Variants in PDE3A observed in about 807,000 individuals in gnomAD.
PDE3A encodes cGMP-inhibited 3',5'-cyclic phosphodiesterase 3A.
PDE3A carries 43 observed loss-of-function variants against 98.3 expected under a neutral mutation model. The ratio of observed to expected loss-of-function variants is 0.44; its 90% CI spans 0.34 to 0.56. PDE3A has a LOEUF of 0.56. Ranked by LOEUF, PDE3A falls within the 20% of genes least tolerant of loss-of-function variation. The pLI is 0.01. For synonymous variants in PDE3A, 663 were observed against 567.9 expected (o/e 1.17, Z -2.38); for missense variants, 1,427 against 1,440.7 (o/e 0.99, Z 0.15).
intron 1 of PDE3A, among the ~76,000 whole-genome samples, chr12:20,378,565 A>G (rs1943611649): frequency 6.6e-6 from 1 of 151,772 alleles, no homozygotes; most frequent in South Asian, 2.1e-4. Flanking sequence ...GAAATTCTAA[A>G]AAGATCAAAA....
In PDE3A at chr12:20,631,598, C is replaced by T. The variant is rs148315192; in HGVS notation, c.1760+1471C>T. ...GGTTCAGCATTTTTAGGGAGAGTCT[C>T]CCACTGTGGGTTCCGGACTTTTGGG... On this transcript the variant is annotated intron_variant, in intron 6 of 15. Coordinates refer to ENST00000359062, the MANE Select transcript of PDE3A (RefSeq NM_000921.5). 5.0e-3 allele frequency among the ~76,000 whole-genome samples: 756 copies of T among 152,120 alleles called. 2 individuals carry two copies. The highest frequency in any genetic ancestry group is 0.018 in the African/African-American group (729 of 41,492).
At chr12:20,608,854 A>G (rs940377880) in intron 2 of PDE3A, among the ~76,000 whole-genome samples, 2 of 152,044 alleles carry the variant, frequency 1.3e-5, no homozygotes, top group African/African-American at 4.8e-5. Flanking sequence ...TTACTAGAGA[A>G]TAAACTTAAT....
intron 15 of PDE3A, among the ~76,000 whole-genome samples, chr12:20,673,731 G>A (rs1158682289): frequency 1.4e-5 from 2 of 144,822 alleles, no homozygotes; most frequent in East Asian, 4.2e-4. Context: ...ATAGCATTGG[G>A]AGATATACCT....
chr12:20,481,908 G>T (rs1486691919), intron 1 of PDE3A, among the ~76,000 whole-genome samples: 1 of 151,348 alleles, frequency 6.6e-6, no homozygotes, highest in Non-Finnish European at 1.5e-5. Flanking sequence ...GGGACTACAG[G>T]CGCCCGCCAC....
intron 15 of PDE3A, among the ~76,000 whole-genome samples, chr12:20,668,001 C>T (rs368618912): frequency 3.9e-4 from 60 of 152,178 alleles, no homozygotes; most frequent in Middle Eastern, 3.4e-3. Flanking sequence ...GCACCGTGCG[C>T]GAGCCAAAGC....
intron 15 of PDE3A, among the ~76,000 whole-genome samples, chr12:20,668,140 C>T (rs532211279): frequency 3.9e-5 from 6 of 152,182 alleles, no homozygotes; most frequent in Middle Eastern, 3.4e-3. Context: ...GCTTTTCCGA[C>T]GGGCTTAAAA....
At chr12:20,401,916 A>G (rs1000239345) in intron 1 of PDE3A, among the ~76,000 whole-genome samples, 1 of 152,222 alleles carries the variant, frequency 6.6e-6, no homozygotes, top group African/African-American at 2.4e-5. Context: ...GAATGCAGGT[A>G]GTGCTTGGAA....
intron 2 of PDE3A, among the ~76,000 whole-genome samples, chr12:20,599,376 C>A (rs140563481): frequency 6.6e-6 from 1 of 152,080 alleles, no homozygotes; most frequent in Non-Finnish European, 1.5e-5. Context: ...AGTACTCAAC[C>A]GGGCCTTTGT....
chr12:20,560,920 A>G (rs969709570), intron 2 of PDE3A, among the ~76,000 whole-genome samples: 2 of 151,970 alleles, frequency 1.3e-5, no homozygotes, highest in African/African-American at 2.4e-5. Context: ...CTGTTTGCAA[A>G]TGAAATACTG....
chr12:20,412,134 A>C (rs968131935), intron 1 of PDE3A, among the ~76,000 whole-genome samples: 3 of 152,114 alleles, frequency 2.0e-5, no homozygotes, highest in African/African-American at 7.2e-5. Flanking sequence ...ACTGTTGTTG[A>C]CTGTGTTGTA....
intron 15 of PDE3A, among the ~76,000 whole-genome samples, chr12:20,669,046 A>G (rs1343356688): frequency 5.9e-5 from 9 of 151,646 alleles, no homozygotes; most frequent in East Asian, 5.8e-4. Flanking sequence ...GAACTACGTG[A>G]AGAATGCAGA....
intron 1 of PDE3A, among the ~76,000 whole-genome samples, chr12:20,538,450 G>A (rs1033611590): frequency 5.3e-5 from 8 of 152,234 alleles, no homozygotes; most frequent in East Asian, 3.9e-4. Flanking sequence ...ACTTCTGCCC[G>A]TATCTCATTA....
intron 2 of PDE3A, among the ~76,000 whole-genome samples, chr12:20,585,984 A>G (rs1943187390): frequency 1.3e-5 from 2 of 152,200 alleles, no homozygotes; most frequent in African/African-American, 2.4e-5. Context: ...ATGCACAATC[A>G]AATGTAGAAT....
chr12:20,377,799 C>A (rs2120526623), intron 1 of PDE3A, among the ~76,000 whole-genome samples: 1 of 151,560 alleles, frequency 6.6e-6, no homozygotes, highest in Admixed American at 6.6e-5. Flanking sequence ...TTATATTAAC[C>A]TGATTTATAA....
intron 1 of PDE3A, among the ~76,000 whole-genome samples, chr12:20,392,528 TAAATACATAAATAAATAAATAAATAAATA>T (rs1943936956): frequency 2.0e-5 from 1 of 50,606 alleles, no homozygotes; most frequent in Non-Finnish European, 4.8e-5. Context: ...AATAAATAAA[TAAATACATAAATAAATAAATAAATAAATA>T]AAATCTAGCT....
chr12:20,593,172 T>C (rs1484048319), intron 2 of PDE3A, among the ~76,000 whole-genome samples: 1 of 152,080 alleles, frequency 6.6e-6, no homozygotes, highest in East Asian at 1.9e-4. Context: ...ATCTTGATAA[T>C]CAATACTAAA....
chr12:20,631,305 T>G (rs1291570973), intron 6 of PDE3A, among the ~76,000 whole-genome samples: 1 of 152,208 alleles, frequency 6.6e-6, no homozygotes, highest in Non-Finnish European at 1.5e-5. Context: ...AGATATATCA[T>G]ACATCCCTGT....
chr12:20,679,367 C>T (rs921935043), intron 15 of PDE3A, among the ~76,000 whole-genome samples: 2 of 152,170 alleles, frequency 1.3e-5, no homozygotes, highest in Non-Finnish European at 2.9e-5. Context: ...CCTGCCTCAA[C>T]CTCCTGAGTA....
intron 6 of PDE3A, among the ~76,000 whole-genome samples, chr12:20,632,053 T>G (rs183868409): frequency 1.2e-4 from 19 of 152,302 alleles, no homozygotes; most frequent in Admixed American, 1.0e-3. Flanking sequence ...ATATTTGAAG[T>G]ACTAATTTAA....
Sources: gnomAD v4.1 joint callset for allele counts (sites outside exome capture counted in the v4.1 genomes callset) on GRCh38, gnomAD v4.1.1 for gene constraint, MANE v1.5 for transcripts, NCBI Gene and HGNC (gene_info 2026-07-23, HGNC 2026-07-21) for gene names.